Variants in CCNH observed in about 807,000 individuals in gnomAD.
CCNH encodes cyclin-H.
Under a neutral mutation model 41.9 loss-of-function variants are expected in CCNH, and 31 were observed. The ratio of observed to expected loss-of-function variants is 0.74; its 90% CI spans 0.56 to 1.00. The LOEUF is 1.00. Ranked by LOEUF, CCNH falls within the 50% of genes least tolerant of loss-of-function variation. CCNH has a pLI of 0.00. For synonymous variants in CCNH, 138 were observed against 136.1 expected (o/e 1.01, Z -0.10); for missense variants, 362 against 388.4 (o/e 0.93, Z 0.57).
chr5:87,374,132 AATAT>A (rs145638178), downstream of CCNH: 64 of 1,210,350 alleles, frequency 5.3e-5, no homozygotes, highest in East Asian at 2.7e-4. Flanking sequence ...AATCTGGGGT[AATAT>A]ATATATATAT....
At chr5:87,348,440 T>A (rs1473426708) in intron 9 of CCNH, among the ~76,000 whole-genome samples, 1 of 152,022 alleles carries the variant, frequency 6.6e-6, no homozygotes, top group Admixed American at 6.6e-5. Flanking sequence ...ATCAAAGATA[T>A]CAGAAATACT....
intron 9 of CCNH, among the ~76,000 whole-genome samples, chr5:87,368,400 A>G (rs1760684038): frequency 1.3e-5 from 2 of 152,208 alleles, no homozygotes; most frequent in African/African-American, 4.8e-5. Flanking sequence ...TGTCTTCAGT[A>G]TCTGCATTAT....
chr5:87,407,771 C>G (rs750442429), intron 4 of CCNH, among the ~76,000 whole-genome samples: 2 of 152,100 alleles, frequency 1.3e-5, no homozygotes, highest in Admixed American at 1.3e-4. Context: ...AAGTCCCACC[C>G]AACAATCTCA....
chr5:87,399,542 G>T, intron 6 of CCNH, 37 bp from the exon 7 acceptor site: 1 of 1,343,524 alleles, frequency 7.4e-7, no homozygotes, highest in Non-Finnish European at 1.1e-6. Flanking sequence ...AACTGAATAA[G>T]CAAACCTCCT....
At chr5:87,400,173 ATTAC>A (rs1455298919) in intron 6 of CCNH, among the ~76,000 whole-genome samples, 1 of 152,236 alleles carries the variant, frequency 6.6e-6, no homozygotes, top group Non-Finnish European at 1.5e-5. Flanking sequence ...TGGGCTTATT[ATTAC>A]TATTAGCCAG....
At chr5:87,360,699 G>A (rs1760021207) in intron 9 of CCNH, among the ~76,000 whole-genome samples, 1 of 152,116 alleles carries the variant, frequency 6.6e-6, no homozygotes, top group South Asian at 2.1e-4. Context: ...CAGGATAATA[G>A]AAGTAATATG....
intron 9 of CCNH, among the ~76,000 whole-genome samples, chr5:87,370,409 G>A (rs1042986516): frequency 1.3e-4 from 20 of 152,228 alleles, no homozygotes; most frequent in East Asian, 5.8e-4. Flanking sequence ...TTCTTATAGC[G>A]TCTATTAAGT....
chr5:87,360,404 G>A (rs552060833), intron 9 of CCNH, among the ~76,000 whole-genome samples: 5 of 152,290 alleles, frequency 3.3e-5, no homozygotes, highest in South Asian at 2.1e-4. Flanking sequence ...GATTAAAGGC[G>A]TGAGCAAAAT....
At chr5:87,328,171 T>C (rs1313778989) in intron 9 of CCNH, among the ~76,000 whole-genome samples, 3 of 152,242 alleles carry the variant, frequency 2.0e-5, no homozygotes, top group Non-Finnish European at 4.4e-5. Flanking sequence ...TATTCTGTGT[T>C]ATAATTGCCA....
At chr5:87,372,434 C>T (rs993319218), downstream of CCNH, among the ~76,000 whole-genome samples, 9 of 152,052 alleles carry the variant, frequency 5.9e-5, no homozygotes, top group African/African-American at 2.2e-4. Flanking sequence ...AACACTAAAC[C>T]AACACAGCAG....
upstream of CCNH, among the ~76,000 whole-genome samples, chr5:87,377,699 C>G (rs1761419409): frequency 6.6e-6 from 1 of 152,038 alleles, no homozygotes; most frequent in Non-Finnish European, 1.5e-5. Context: ...ATAGGTAGTT[C>G]CCAAGCTGCT....
At chr5:87,332,226 A>C (rs1215480681) in intron 9 of CCNH, among the ~76,000 whole-genome samples, 1 of 151,548 alleles carries the variant, frequency 6.6e-6, no homozygotes, top group African/African-American at 2.4e-5. Context: ...AAGTGAGAAG[A>C]GGTATCTGAG....
chr5:87,377,831 T>A (rs1254626304), upstream of CCNH, among the ~76,000 whole-genome samples: 1 of 152,152 alleles, frequency 6.6e-6, no homozygotes, highest in Non-Finnish European at 1.5e-5. Flanking sequence ...ATAGTAAAGT[T>A]TAGAACTATT....
chr5:87,332,232 CTG>C lies in CCNH; in HGVS notation c.*91-13337_*91-13336del, dbSNP rs112878220. Among the ~76,000 whole-genome samples, 4,826 of 152,022 alleles carry C rather than the reference CTG, an allele frequency of 0.032. 156 individuals carry two copies. Among genetic ancestry groups the C allele is most frequent in the African/African-American group, 0.074 (3,058 of 41,480 alleles). ...AAATATGGAAAGTGAGAAGAGGTATCTGAGGGTGAGTTTTCAGATATTTGATG... is the reference window on the plus strand; with the variant it reads ...AAATATGGAAAGTGAGAAGAGGTATCAGGGTGAGTTTTCAGATATTTGATG... On this transcript the variant is annotated intron_variant and NMD_transcript_variant, in intron 9 of 9. Coordinates refer to the CCNH transcript ENST00000645953.
chr5:87,312,335 CA>C, the CCNH span, among the ~76,000 whole-genome samples: 1 of 152,116 alleles, frequency 6.6e-6, no homozygotes, highest in Non-Finnish European at 1.5e-5. Flanking sequence ...AACATTTGTA[CA>C]AAAATGTAAA....
At chr5:87,390,719 G>GT (rs367986361), downstream of CCNH, 2 of 1,182,186 alleles carry the variant, frequency 1.7e-6, no homozygotes, top group Non-Finnish European at 2.5e-6. Flanking sequence ...CTTTGATACA[G>GT]TTTTTTTCAA....
At chr5:87,384,472 G>GT (rs1230520645) in intron 9 of CCNH, among the ~76,000 whole-genome samples, 1 of 152,030 alleles carries the variant, frequency 6.6e-6, no homozygotes, top group Non-Finnish European at 1.5e-5. Context: ...TACTAAAAAT[G>GT]TTTTGGAATG....
chr5:87,396,130 C>T (rs1484098144), intron 7 of CCNH, among the ~76,000 whole-genome samples: 1 of 152,068 alleles, frequency 6.6e-6, no homozygotes, highest in African/African-American at 2.4e-5. Flanking sequence ...ATTTACATAA[C>T]ATTTACATTG....
intron 9 of CCNH, among the ~76,000 whole-genome samples, chr5:87,358,368 G>A (rs1759812472): frequency 6.6e-6 from 1 of 152,156 alleles, no homozygotes; most frequent in Admixed American, 6.5e-5. Context: ...TTACCAAGGT[G>A]ACACTACAAT....
Sources: allele counts gnomAD v4.1 joint callset (sites outside exome capture counted in the v4.1 genomes callset), GRCh38; gene constraint gnomAD v4.1.1; transcripts MANE v1.5; gene names NCBI Gene and HGNC (gene_info 2026-07-23, HGNC 2026-07-21).